TTC39B: variants seen among roughly 807,000 people sequenced by gnomAD.
TTC39B encodes tetratricopeptide repeat domain 39B, also known as tetratricopeptide repeat protein 39B.
A neutral mutation model predicts 96.6 loss-of-function variants in TTC39B; 92 were observed. That is an observed-to-expected ratio of 0.95 (90% CI 0.80 to 1.13). TTC39B has a LOEUF of 1.13. Ranked by LOEUF, TTC39B falls within the 50% of genes most tolerant of loss-of-function variation. TTC39B has a pLI of 0.00. For synonymous variants in TTC39B, 367 were observed against 299.4 expected (o/e 1.23, Z -2.33); for missense variants, 955 against 809.3 (o/e 1.18, Z -2.18).
chr9:15,210,032 A>G (rs938499621), intron 6 of TTC39B, 56 bp downstream of exon 6: 1 of 1,240,056 alleles, frequency 8.1e-7, no homozygotes, highest in African/African-American at 1.5e-5. Flanking sequence ...ATTTTATGAG[A>G]TGATCATTTA....
intron 1 of TTC39B, among the ~76,000 whole-genome samples, chr9:15,303,855 G>A (rs531824002): frequency 2.0e-5 from 3 of 151,986 alleles, no homozygotes; most frequent in South Asian, 4.2e-4. Context: ...GGCTGGTCTC[G>A]AACTCCTGAC....
At chr9:15,284,812 AT>A (rs1823897237) in intron 1 of TTC39B, among the ~76,000 whole-genome samples, 2 of 152,202 alleles carry the variant, frequency 1.3e-5, no homozygotes, top group Admixed American at 6.5e-5. Context: ...AGTGAGAATA[AT>A]TTTATGTATT....
chr9:15,270,565 C>T (rs547315619), intron 1 of TTC39B, among the ~76,000 whole-genome samples: 3 of 150,012 alleles, frequency 2.0e-5, no homozygotes, highest in Non-Finnish European at 4.4e-5. Context: ...GAAGATAAGA[C>T]TAATATTTTC....
chr9:15,276,778 T>C (rs148087134), intron 1 of TTC39B, among the ~76,000 whole-genome samples: 1 of 152,312 alleles, frequency 6.6e-6, no homozygotes, highest in East Asian at 1.9e-4. Context: ...CTACTTCCTG[T>C]TGTGTACAAT....
chr9:15,183,454 T>C, intron 16 of TTC39B: 1 of 318,378 alleles, frequency 3.1e-6, no homozygotes. Flanking sequence ...TTTGGTAAAA[T>C]TCCTAGGTAC....
chr9:15,170,022 GCTTTTTTCCAAAAAGCTTTTTTTGGAAAA>G (rs1817598802), exon 20 of TTC39B: 1 of 151,998 alleles, frequency 6.6e-6, no homozygotes, highest in African/African-American at 2.4e-5. Context: ...TCTTCTAAGA[GCTTTTTTCCAAAAAGCTTTTTTTGGAAAA>G]CTTTTTTCCA....
At chr9:15,201,098 T>TA (rs1375723245) in intron 7 of TTC39B, among the ~76,000 whole-genome samples, 1 of 152,238 alleles carries the variant, frequency 6.6e-6, no homozygotes, top group Non-Finnish European at 1.5e-5. Flanking sequence ...GAATTTCATT[T>TA]ACTAATTTCA....
intron 1 of TTC39B, among the ~76,000 whole-genome samples, chr9:15,300,891 C>CAAAAAAA (rs71491658): frequency 2.5e-5 from 2 of 81,190 alleles, no homozygotes; most frequent in Non-Finnish European, 2.4e-5. Context: ...AACTCCGTCT[C>CAAAAAAA]AAAAAAAAAA....
chr9:15,166,013 C>A (rs1446436597), exon 20 of TTC39B: 1 of 152,158 alleles, frequency 6.6e-6, no homozygotes, highest in Non-Finnish European at 1.5e-5. Flanking sequence ...TGGTGCCCAA[C>A]AGACTACCAA....
chr9:15,301,722 C>T (rs1450762801), intron 1 of TTC39B, among the ~76,000 whole-genome samples: 2 of 150,938 alleles, frequency 1.3e-5, no homozygotes, highest in Admixed American at 1.3e-4. Context: ...TGCCACTGCA[C>T]TCCAGCCTGG....
At chr9:15,211,479 A>G (rs1820197520) in intron 4 of TTC39B, 82 bp from the exon 5 acceptor site, 2 of 1,224,290 alleles carry the variant, frequency 1.6e-6, no homozygotes, top group African/African-American at 3.1e-5. Flanking sequence ...GCATGTCCTG[A>G]CTTGCACAGT....
At chr9:15,242,374 G>C (rs1266397769) in intron 2 of TTC39B, among the ~76,000 whole-genome samples, 1 of 152,108 alleles carries the variant, frequency 6.6e-6, no homozygotes. Flanking sequence ...TTGAGTCCAG[G>C]AGTTTGAGAC....
At chr9:15,247,371 T>C (rs1822326058) in intron 2 of TTC39B, among the ~76,000 whole-genome samples, 1 of 152,168 alleles carries the variant, frequency 6.6e-6, no homozygotes, top group South Asian at 2.1e-4. Context: ...AGAAAGGAAA[T>C]GGACAAATGG....
Position 15,238,233 on chromosome 9 carries a change from T to C in TTC39B, c.276-12221A>G, listed in dbSNP as rs139640210. Among the ~76,000 whole-genome samples, 341 of 152,242 alleles carry C rather than the reference T, an allele frequency of 2.2e-3. 2 individuals are homozygous for C. The highest frequency in any genetic ancestry group is 7.9e-3 in the African/African-American group (327 of 41,546). On this transcript the variant is annotated intron_variant, in intron 2 of 19. Coordinates refer to ENST00000512701, the Ensembl canonical transcript of TTC39B. ...AGGACACCCACTTTCACCACTCTTA[T>C]TCAACATAATACTGGAAGTCCGAGC... is the stretch of plus-strand genomic sequence containing the variant.
exon 4 of TTC39B, chr9:15,214,215 G>C (rs1191138766): frequency 3.1e-6 from 5 of 1,613,866 alleles, no homozygotes; most frequent in Non-Finnish European, 3.4e-6. Context: ...CATTCTTCGA[G>C]GCCACTCTTG....
chr9:15,270,784 ACT>A (rs1282880863), intron 1 of TTC39B, among the ~76,000 whole-genome samples: 1 of 151,850 alleles, frequency 6.6e-6, no homozygotes, highest in Non-Finnish European at 1.5e-5. Context: ...GAATATCGAA[ACT>A]CTCCATTTTG....
chr9:15,174,521 G>T (rs1460421685), intron 19 of TTC39B, among the ~76,000 whole-genome samples: 3 of 152,130 alleles, frequency 2.0e-5, no homozygotes, highest in African/African-American at 7.2e-5. Context: ...GGTAAGATCT[G>T]CAAGCTTCAC....
intron 1 of TTC39B, among the ~76,000 whole-genome samples, chr9:15,276,325 A>T (rs1345883163): frequency 6.6e-6 from 1 of 152,128 alleles, no homozygotes. Context: ...TTTCTTCCTT[A>T]GTATCCCTAT....
chr9:15,175,696 C>G (rs549449135), intron 18 of TTC39B, among the ~76,000 whole-genome samples: 2 of 152,262 alleles, frequency 1.3e-5, no homozygotes, highest in South Asian at 4.1e-4. Flanking sequence ...AAAAAACCCT[C>G]AAGTGCCAAA....
Sources: gnomAD v4.1 joint callset for allele counts (sites outside exome capture counted in the v4.1 genomes callset) on GRCh38, gnomAD v4.1.1 for gene constraint, MANE v1.5 for transcripts, NCBI Gene and HGNC (gene_info 2026-07-23, HGNC 2026-07-21) for gene names.